Variants in EML5 observed in about 807,000 individuals in gnomAD.
The protein encoded by EML5 is EMAP like 5.
Under a neutral mutation model 250.0 loss-of-function variants are expected in EML5, and 120 were observed. The observed-to-expected ratio is 0.48, with a 90% CI of 0.41 to 0.56. The LOEUF (loss-of-function observed/expected upper bound fraction) is 0.56, where lower values mean the gene tolerates loss of function less well. Ranked by LOEUF, EML5 falls within the 20% of genes least tolerant of loss-of-function variation. The pLI, the probability that EML5 is intolerant of heterozygous loss-of-function variation, is 0.00. For synonymous variants in EML5, 771 were observed against 806.5 expected, an observed-to-expected ratio of 0.96 and a Z score of 0.75; for missense variants, 2,006 against 2,437.6, an observed-to-expected ratio of 0.82 and a Z score of 3.73.
rs1360912638 is a variant in EML5 at position 88,614,323 on chromosome 14, C to G, written c.*1495G>C. On this transcript the variant is annotated 3_prime_UTR_variant, in exon 44 of 44. Transcript: ENST00000554922. ...CCACTGATGAACAAGTACCAACTTA[C>G]GTTTCAAGCTTCTTAGCCCCATAAT... 1 of 152,178 alleles carries G rather than the reference C, an allele frequency of 6.6e-6. No individual in the cohort carries two copies. The highest frequency in any genetic ancestry group is 6.5e-5 in the Admixed American group (1 of 15,290). 9.4% of individuals were successfully genotyped at this position (152,178 alleles called of 1,614,324 possible).
intron 1 of EML5, among the ~76,000 whole-genome samples, chr14:88,787,241 T>C (rs1299560675): frequency 1.3e-5 from 2 of 152,202 alleles, no homozygotes; most frequent in Admixed American, 1.3e-4. Flanking sequence ...GTACATACCA[T>C]ATCACAGGTA....
At chr14:88,772,001 G>A (rs552481806) in intron 1 of EML5, among the ~76,000 whole-genome samples, 4 of 152,206 alleles carry the variant, frequency 2.6e-5, no homozygotes, top group South Asian at 4.2e-4. Context: ...TGTATCTCTA[G>A]GTCAGCACAA....
intron 1 of EML5, among the ~76,000 whole-genome samples, chr14:88,773,206 C>T (rs111774430): frequency 0.018 from 2,737 of 152,298 alleles, 81 homozygotes; most frequent in African/African-American, 0.061. Context: ...GTACACCTCA[C>T]TTGATATCAT....
chr14:88,706,308 T>C lies in EML5; in HGVS notation c.1776A>G (p.Lys592=). 1.2e-6 allele frequency: 2 copies of C among 1,609,740 alleles called. No individual in the cohort carries two copies. The part of the protein sequence containing the change: ...GGADHSVFQW[K]FIPERKLKDA... ...CTTTCAGTTTTCTTTCAGGAATAAA[T>C]TTCCACTGAAAGACAGAGTGATCTG... The change falls in exon 11 of 44, where the codon AAA becomes AAG. Residue 592 remains lysine (K), a synonymous_variant. Transcript: ENST00000554922.
chr14:88,664,185 G>A (rs945936790), intron 23 of EML5, among the ~76,000 whole-genome samples: 5 of 150,918 alleles, frequency 3.3e-5, no homozygotes, highest in African/African-American at 1.2e-4. Context: ...GCTGAGTTGG[G>A]AGGATGACTT....
At chr14:88,775,867 G>A (rs1181689589) in intron 1 of EML5, among the ~76,000 whole-genome samples, 3 of 150,916 alleles carry the variant, frequency 2.0e-5, no homozygotes, top group African/African-American at 7.3e-5. Flanking sequence ...TGGCCACAGG[G>A]TGATTATGTC....
At chr14:88,660,872 G>A (rs1473520463) in intron 25 of EML5, among the ~76,000 whole-genome samples, 1 of 151,894 alleles carries the variant, frequency 6.6e-6, no homozygotes, top group East Asian at 1.9e-4. Flanking sequence ...TGCTACGAAA[G>A]CAGAAAAAAA....
chr14:88,757,046 C>T (rs1377101070), intron 1 of EML5, among the ~76,000 whole-genome samples: 1 of 152,142 alleles, frequency 6.6e-6, no homozygotes, highest in African/African-American at 2.4e-5. Context: ...TTGGAAAAAT[C>T]ACACTTTCCA....
chr14:88,789,305 A>AC (rs772451455), intron 1 of EML5, among the ~76,000 whole-genome samples: 6 of 152,116 alleles, frequency 3.9e-5, no homozygotes, highest in Non-Finnish European at 7.4e-5. Flanking sequence ...CAAAAAAGTG[A>AC]CCCCAAAAGC....
intron 28 of EML5, 50 bp downstream of exon 28, chr14:88,649,862 A>G: frequency 7.2e-7 from 1 of 1,382,920 alleles, no homozygotes; most frequent in South Asian, 1.4e-5. Flanking sequence ...TAAAGAATAA[A>G]ATAAAGGGTA....
chr14:88,682,629 G>C (rs894633620), intron 20 of EML5, among the ~76,000 whole-genome samples: 3 of 151,952 alleles, frequency 2.0e-5, no homozygotes, highest in Admixed American at 1.3e-4. Flanking sequence ...CCCCCAGCTC[G>C]CGGTCAGAGC....
At chr14:88,622,338 A>G in intron 37 of EML5, 1 of 314,562 alleles carries the variant, frequency 3.2e-6, no homozygotes, top group Non-Finnish European at 5.8e-6. Context: ...GCTTTCAATT[A>G]TGTCTACTAG....
intron 10 of EML5, among the ~76,000 whole-genome samples, chr14:88,708,320 CTG>C (rs2093351218): frequency 6.6e-6 from 1 of 152,038 alleles, no homozygotes; most frequent in Admixed American, 6.6e-5. Flanking sequence ...CCAGAATTCT[CTG>C]TGATTACCCC....
intron 21 of EML5, among the ~76,000 whole-genome samples, chr14:88,668,288 C>T (rs533301791): frequency 2.6e-5 from 4 of 151,934 alleles, no homozygotes; most frequent in Non-Finnish European, 4.4e-5. Flanking sequence ...AAGAAAAGTC[C>T]GGGGAGAAGC....
At position 88,792,632 on chromosome 14, in the gene EML5, C is replaced by G. The variant is rs2094622607; in HGVS notation, c.-129G>C. The G allele has an allele frequency of 1.0e-5, 12 of 1,161,196 alleles. No homozygotes were observed. Among genetic ancestry groups the G allele is most frequent in the Non-Finnish European group, 1.3e-5 (12 of 943,776 alleles). 71.9% of individuals were successfully genotyped at this position (1,161,196 alleles called of 1,614,324 possible). A position where few individuals can be genotyped will look rare whatever the true frequency, so the allele number is the denominator to read the frequency against. On this transcript the variant is annotated 5_prime_UTR_variant, in exon 1 of 44. Transcript: ENST00000554922. The surrounding 1 kb of genome is among the most constrained non-coding windows in gnomAD (Gnocchi z 6.9). ...CCAGCCGCGTCCTCTAAGCCGCGCC[C>G]GTCAGGTGCATCTCGTTTCGGGGGC...
At chr14:88,772,413 G>A (rs575574048) in intron 1 of EML5, among the ~76,000 whole-genome samples, 47 of 152,236 alleles carry the variant, frequency 3.1e-4, no homozygotes, top group Non-Finnish European at 2.1e-4. Context: ...GCTTCCTACC[G>A]AATTAGAATG....
chr14:88,678,462 T>C (rs1013697775), intron 21 of EML5, among the ~76,000 whole-genome samples: 2 of 151,874 alleles, frequency 1.3e-5, no homozygotes, highest in Non-Finnish European at 2.9e-5. Context: ...TAAAAAAAAA[T>C]TTTAAAGCCA....
At position 88,620,857 on chromosome 14, in the gene EML5, C is replaced by T; in HGVS notation, c.5272G>A (p.Val1758Met). The change falls in exon 39 of 44, where the codon GTG (valine) becomes ATG (methionine). Residue 1758 changes from valine (V) to methionine (M), a missense_variant. By Grantham distance (21) the Val-to-Met change is conservative. Around this residue, in one of 7 missense-constraint regions of EML5, gnomAD observed 405 missense variants for 523.3 expected, o/e 0.77. Transcript: ENST00000554922. This position sits in a 1 kb window ranked among gnomAD's most constrained non-coding sequence, Gnocchi z 4.3. ...TCTCCATTTTTCATTCCAATAGCCA[C>T]CATGTCCCCTTCAGGGCTGTAACAC... ...TVCYSPEGDM[V>M]AIGMKNGEFI... The T allele has an allele frequency of 6.3e-7, 1 of 1,589,212 alleles. No homozygotes were observed. The highest frequency in any genetic ancestry group is 8.6e-7 in the Non-Finnish European group (1 of 1,166,920).
Position 88,792,336 on chromosome 14 carries a change from G to A in EML5, c.168C>T (p.Phe56=). Residue 56 remains phenylalanine, a synonymous_variant, in exon 1 of 44, where the codon TTC becomes TTT. Coordinates refer to ENST00000554922, the MANE Select transcript of EML5 (RefSeq NM_183387.3). This position sits in a 1 kb window ranked among gnomAD's most constrained non-coding sequence, Gnocchi z 6.9. ...TGATGTCGTCGCTGTGGCCCCGGTA[G>A]AACTTCTGCCTGTGCTCCCGCGGGC... ...VYSPREHRQK[F]YRGHSDDIIS... is the part of the protein sequence containing the mutation. 1 of 1,565,476 alleles carries A rather than the reference G, an allele frequency of 6.4e-7. No homozygotes were observed. The highest frequency in any genetic ancestry group is 8.6e-7 in the Non-Finnish European group (1 of 1,157,020).
Sources: gnomAD v4.1 joint callset for allele counts (sites outside exome capture counted in the v4.1 genomes callset) on GRCh38, gnomAD v4.1.1 for gene constraint, gnomAD v4.1.1 regional missense constraint, Gnocchi (gnomAD v3.1) non-coding constraint, MANE v1.5 for transcripts, NCBI Gene and HGNC (gene_info 2026-07-23, HGNC 2026-07-21) for gene names.